ZSCAN30: variants seen among roughly 807,000 people sequenced by gnomAD.
The protein encoded by ZSCAN30 is zinc finger and SCAN domain-containing protein 30.
ZSCAN30 carries 37 observed loss-of-function variants against 44.3 expected under a neutral mutation model. The ratio of observed to expected loss-of-function variants is 0.84; its 90% CI spans 0.64 to 1.10. The LOEUF is 1.10. Ranked by LOEUF, ZSCAN30 falls within the 50% of genes least tolerant of loss-of-function variation. ZSCAN30 has a pLI of 0.00. For missense variants in ZSCAN30, 549 were observed against 582.6 expected (o/e 0.94, Z 0.59); for synonymous variants, 181 against 204.6 (o/e 0.88, Z 0.98).
At chr18:35,260,616 T>C (rs190218631) in intron 3 of ZSCAN30, 1 of 152,342 alleles carries the variant, frequency 6.6e-6, no homozygotes, top group Non-Finnish European at 1.5e-5. Context: ...TGATCAGTGA[T>C]GTTGAGCTAT....
intron 1 of ZSCAN30, among the ~76,000 whole-genome samples, chr18:35,279,704 G>A (rs1392047984): frequency 4.6e-5 from 7 of 152,266 alleles, no homozygotes; most frequent in Middle Eastern, 3.4e-3. Context: ...AAGCCTTGGA[G>A]CACTCCAAGT....
In ZSCAN30 at chr18:35,263,538, C is replaced by T; in HGVS notation, c.528G>A (p.Gln176=). ...PLENQCKTET[Q]ESQAFQERDG... The stretch of plus-strand genomic sequence containing the variant: ...CTCTCTCCTGGAAAGCCTGGGACTC[C>T]TGAGTCTCAGTCTTGCACTGGTTCT... Residue 176 remains glutamine, a synonymous_variant, in exon 3 of 4, where the codon CAG becomes CAA. Transcript: ENST00000333206. 1 of 1,614,236 alleles carries T rather than the reference C, an allele frequency of 6.2e-7. No homozygotes were observed. Among genetic ancestry groups the T allele is most frequent in the Non-Finnish European group, 8.5e-7 (1 of 1,180,048 alleles).
At chr18:35,286,483 G>A (rs191780697) in intron 1 of ZSCAN30, among the ~76,000 whole-genome samples, 52 of 152,196 alleles carry the variant, frequency 3.4e-4, no homozygotes, top group Non-Finnish European at 6.9e-4. Flanking sequence ...TTGGTTTAAT[G>A]TTCAAAAATC....
chr18:35,263,252 A>T (rs912502513), intron 3 of ZSCAN30: 17 of 439,008 alleles, frequency 3.9e-5, no homozygotes, highest in African/African-American at 3.0e-4. Context: ...TAAAAAAAAA[A>T]AAAAGAAAAA....
intron 3 of ZSCAN30, chr18:35,259,211 TGAGA>T (rs1412558209): frequency 1.3e-5 from 2 of 152,146 alleles, no homozygotes; most frequent in Non-Finnish European, 2.9e-5. Context: ...TTGTTGTTGT[TGAGA>T]TAGTCTCACT....
intron 1 of ZSCAN30, among the ~76,000 whole-genome samples, chr18:35,265,208 C>T (rs1397690612): frequency 6.6e-6 from 1 of 151,932 alleles, no homozygotes; most frequent in African/African-American, 2.4e-5. Context: ...TGACCAAAGA[C>T]AGCCAGGGAG....
At chr18:35,265,004 G>C (rs140374672) in intron 1 of ZSCAN30, among the ~76,000 whole-genome samples, 4,382 of 152,122 alleles carry the variant, frequency 0.029, 81 homozygotes, top group African/African-American at 0.054. Flanking sequence ...AAATTAGCCG[G>C]GCGTGGTGGC....
intron 1 of ZSCAN30, chr18:35,281,058 T>A (rs1172364206): frequency 1.3e-5 from 2 of 152,248 alleles, no homozygotes; most frequent in Non-Finnish European, 2.9e-5. Flanking sequence ...AAATTTACTA[T>A]CTCAAAAAGA....
At chr18:35,286,558 A>G (rs888999579) in intron 1 of ZSCAN30, among the ~76,000 whole-genome samples, 1 of 152,176 alleles carries the variant, frequency 6.6e-6, no homozygotes, top group Admixed American at 6.5e-5. Flanking sequence ...GCAATTGACA[A>G]AATCCATCCT....
At chr18:35,286,322 T>C (rs2044548503) in intron 1 of ZSCAN30, among the ~76,000 whole-genome samples, 2 of 152,164 alleles carry the variant, frequency 1.3e-5, no homozygotes, top group Non-Finnish European at 2.9e-5. Flanking sequence ...GCTTTTTGAA[T>C]CATTCTTTGA....
chr18:35,255,928 C>T (rs1198413226), intron 3 of ZSCAN30: 1 of 152,846 alleles, frequency 6.5e-6, no homozygotes, highest in African/African-American at 2.4e-5. Flanking sequence ...AAGTCAGAGA[C>T]CCAACAACCT....
chr18:35,254,531 T>C, intron 3 of ZSCAN30, 150 bp from the exon 4 acceptor site: 1 of 1,475,302 alleles, frequency 6.8e-7, no homozygotes. Context: ...TTCAGAGAAG[T>C]GGCCTGGGGT....
In ZSCAN30 at chr18:35,263,630, A is replaced by G; in HGVS notation, c.436T>C (p.Trp146Arg). 6.2e-7 allele frequency: 1 copy of G among 1,614,188 alleles called. No individual in the cohort carries two copies. Among genetic ancestry groups the G allele is most frequent in the Non-Finnish European group, 8.5e-7 (1 of 1,180,034 alleles). The stretch of plus-strand genomic sequence containing the variant: ...GCTCCTGTGGATGTCATTTCCTGCC[A>G]GAACATTTCTTGGCCATGAGTTGTG... ...QDTTHGQEMF[W>R]QEMTSTGALK... is the part of the protein sequence containing the mutation. The change falls in exon 3 of 4, where the codon TGG becomes CGG. Residue 146 changes from tryptophan (W) to arginine (R), a missense_variant. By Grantham distance (101) the Trp-to-Arg change is moderately radical. Transcript: ENST00000333206.
At chr18:35,274,950 C>A (rs575800851) in intron 1 of ZSCAN30, among the ~76,000 whole-genome samples, 1 of 152,152 alleles carries the variant, frequency 6.6e-6, no homozygotes, top group South Asian at 2.1e-4. Context: ...TTGAAATTTC[C>A]TTTTTATATA....
Position 35,288,128 on chromosome 18 carries a change from C to A in ZSCAN30, c.-104+1956G>T, listed in dbSNP as rs2044585956. On this transcript the variant is annotated intron_variant, in intron 1 of 3. Transcript: ENST00000333206. ...ACTCAAGCAATCCACCCACCTTGGC[C>A]TACAAAAAGTGCAGGAATTACACGC... Among the ~76,000 whole-genome samples the A allele has an allele frequency of 3.3e-5, 5 of 152,296 alleles. No individual in the cohort carries two copies. The South Asian group carries it at 1.0e-3, about 32-fold the overall frequency.
chr18:35,277,535 G>A (rs2143758974), intron 1 of ZSCAN30, among the ~76,000 whole-genome samples: 1 of 152,154 alleles, frequency 6.6e-6, no homozygotes, highest in African/African-American at 2.4e-5. Flanking sequence ...GTTTTATAAG[G>A]GGCTTTTCCC....
chr18:35,270,899 C>T (rs1359244793), intron 1 of ZSCAN30, among the ~76,000 whole-genome samples: 1 of 152,212 alleles, frequency 6.6e-6, no homozygotes, highest in Non-Finnish European at 1.5e-5. Flanking sequence ...GGTTCGTGGT[C>T]TTGCTGGCTT....
chr18:35,287,093 C>G (rs555095188), intron 1 of ZSCAN30, among the ~76,000 whole-genome samples: 2 of 152,094 alleles, frequency 1.3e-5, no homozygotes, highest in Non-Finnish European at 2.9e-5. Flanking sequence ...AGGAATAGAT[C>G]TGTCAAAAGT....
At chr18:35,257,256 T>C (rs934894366) in intron 3 of ZSCAN30, 1 of 152,444 alleles carries the variant, frequency 6.6e-6, no homozygotes, top group East Asian at 1.9e-4. Flanking sequence ...CTTAATGCTA[T>C]GTCAGTGATG....
Sources: gnomAD v4.1 joint callset for allele counts (sites outside exome capture counted in the v4.1 genomes callset) on GRCh38, gnomAD v4.1.1 for gene constraint, MANE v1.5 for transcripts, NCBI Gene and HGNC (gene_info 2026-07-23, HGNC 2026-07-21) for gene names.